The following ROBO1 variants were observed in gnomAD, a reference collection of about 807,000 sequenced individuals.
The protein encoded by ROBO1 is roundabout homolog 1.
ROBO1 carries 149 observed loss-of-function variants against 195.9 expected under a neutral mutation model. The observed-to-expected ratio is 0.76, with a 90% CI of 0.67 to 0.87. The LOEUF is 0.87. Among genes scored for constraint, ROBO1 ranks in the 40% least tolerant of loss-of-function variants. The pLI is 0.00. For missense variants in ROBO1, 1,933 were observed against 2,068.3 expected, an observed-to-expected ratio of 0.93 and a Z score of 1.27; for synonymous variants, 816 against 733.2, an observed-to-expected ratio of 1.11 and a Z score of -1.82.
intron 1 of ROBO1, among the ~76,000 whole-genome samples, chr3:79,615,324 A>T (rs1346544628): frequency 6.6e-6 from 1 of 152,132 alleles, no homozygotes; most frequent in Non-Finnish European, 1.5e-5. Context: ...TCTACCTATG[A>T]CCTAGAAGCC....
chr3:79,386,453 T>C (rs913288963), intron 2 of ROBO1, among the ~76,000 whole-genome samples: 2 of 152,102 alleles, frequency 1.3e-5, no homozygotes, highest in Non-Finnish European at 2.9e-5. Flanking sequence ...ACCATCAACG[T>C]ATAAAGTAAG....
chr3:79,080,191 AT>A (rs1461830582), intron 3 of ROBO1, among the ~76,000 whole-genome samples: 1 of 151,878 alleles, frequency 6.6e-6, no homozygotes, highest in Non-Finnish European at 1.5e-5. Context: ...CATATAAATC[AT>A]TATTTTTAAG....
chr3:78,607,250 T>C, intron 28 of ROBO1: 2 of 550,672 alleles, frequency 3.6e-6, no homozygotes, highest in Non-Finnish European at 3.2e-6. Context: ...TCTTACTCTG[T>C]CATTCAGGCT....
chr3:79,621,121 A>G (rs1437964185), intron 1 of ROBO1, among the ~76,000 whole-genome samples: 1 of 151,988 alleles, frequency 6.6e-6, no homozygotes, highest in Non-Finnish European at 1.5e-5. Flanking sequence ...TTTCACTTGG[A>G]CTGACCCTGA....
intron 5 of ROBO1, among the ~76,000 whole-genome samples, chr3:78,727,972 AATG>A (rs2082203336): frequency 6.6e-6 from 1 of 152,114 alleles, no homozygotes; most frequent in Non-Finnish European, 1.5e-5. Context: ...TTTATGACAA[AATG>A]ATTTTATATT....
chr3:79,208,969 T>G (rs1233313300), intron 2 of ROBO1, among the ~76,000 whole-genome samples: 4 of 152,150 alleles, frequency 2.6e-5, no homozygotes, highest in African/African-American at 9.7e-5. Flanking sequence ...GGCTTCAAAT[T>G]GGCACAATAC....
chr3:78,729,629 G>C (rs975544213), intron 5 of ROBO1, among the ~76,000 whole-genome samples: 3 of 152,162 alleles, frequency 2.0e-5, no homozygotes, highest in Non-Finnish European at 4.4e-5. Flanking sequence ...GAGAGCAGAT[G>C]AAACAGTGAA....
At chr3:78,881,706 C>G (rs532337632) in intron 4 of ROBO1, among the ~76,000 whole-genome samples, 1 of 151,986 alleles carries the variant, frequency 6.6e-6, no homozygotes, top group African/African-American at 2.4e-5. Context: ...GCATCAGGCC[C>G]GTGGCCTGAT....
chr3:79,073,107 A>C (rs2079115651), intron 3 of ROBO1, among the ~76,000 whole-genome samples: 1 of 152,034 alleles, frequency 6.6e-6, no homozygotes. Flanking sequence ...AGCCAATTGC[A>C]CAGCAAGATA....
chr3:79,115,356 G>C (rs1286293667), intron 3 of ROBO1, among the ~76,000 whole-genome samples: 1 of 152,102 alleles, frequency 6.6e-6, no homozygotes, highest in East Asian at 1.9e-4. Context: ...TAAGAGATAC[G>C]AGATGGATCC....
intron 2 of ROBO1, among the ~76,000 whole-genome samples, chr3:79,157,506 C>T (rs968807005): frequency 4.6e-5 from 7 of 151,884 alleles, no homozygotes; most frequent in Admixed American, 4.6e-4. Context: ...TTTTAAGTAG[C>T]TTCTGCCATC....
intron 2 of ROBO1, among the ~76,000 whole-genome samples, chr3:79,127,192 C>T (rs1277658713): frequency 1.3e-5 from 2 of 152,214 alleles, no homozygotes; most frequent in East Asian, 3.9e-4. Context: ...TACACGCACA[C>T]GTTGTTTAGG....
chr3:78,924,065 A>T (rs1350079109), intron 4 of ROBO1, among the ~76,000 whole-genome samples: 5 of 152,178 alleles, frequency 3.3e-5, no homozygotes, highest in Non-Finnish European at 7.3e-5. Flanking sequence ...ATATACACAC[A>T]TACATGTATA....
At chr3:79,542,142 T>A (rs1316565205) in intron 2 of ROBO1, among the ~76,000 whole-genome samples, 2 of 151,968 alleles carry the variant, frequency 1.3e-5, no homozygotes, top group Non-Finnish European at 2.9e-5. Flanking sequence ...AACCTGAAAA[T>A]ATAATGATCT....
chr3:79,695,507 T>G (rs55670614), intron 1 of ROBO1, among the ~76,000 whole-genome samples: 45,638 of 151,206 alleles, frequency 0.3, 7,851 homozygotes, highest in East Asian at 0.53. Context: ...GCTTTTTCTC[T>G]CTTCTTTCCT....
chr3:79,191,543 T>G (rs2081540370), intron 2 of ROBO1, among the ~76,000 whole-genome samples: 1 of 151,310 alleles, frequency 6.6e-6, no homozygotes, highest in African/African-American at 2.4e-5. Context: ...ATTCAAACAA[T>G]AAAATATTAA....
rs531512234 is a variant in ROBO1 at position 78,998,970 on chromosome 3, C to T, written c.173-60043G>A. On this transcript the variant is annotated intron_variant, in intron 3 of 30. Coordinates refer to ENST00000464233, the MANE Select transcript of ROBO1 (RefSeq NM_002941.4). Reference sequence around the variant, plus strand: ...TGGCCAGGAAAAATATGAAAAAATGCTCCACTTCACTAATATTCAGAGAAA... The same window carrying T: ...TGGCCAGGAAAAATATGAAAAAATGTTCCACTTCACTAATATTCAGAGAAA... Among the ~76,000 whole-genome samples, 5 of 152,096 alleles carry T rather than the reference C, an allele frequency of 3.3e-5. No homozygotes were observed. In the South Asian group the frequency reaches 8.3e-4, roughly 25 times the overall value.
intron 3 of ROBO1, among the ~76,000 whole-genome samples, chr3:79,054,894 A>G (rs1158548035): frequency 6.6e-6 from 1 of 152,160 alleles, no homozygotes; most frequent in Non-Finnish European, 1.5e-5. Context: ...AGGCGGTCCC[A>G]ACGCAGCCTC....
intron 4 of ROBO1, among the ~76,000 whole-genome samples, chr3:78,868,737 A>T (rs559442770): frequency 6.6e-6 from 1 of 152,178 alleles, no homozygotes; most frequent in South Asian, 2.1e-4. Flanking sequence ...TAAAAGGGGA[A>T]AAAAACACAC....
Sources: allele counts gnomAD v4.1 joint callset (sites outside exome capture counted in the v4.1 genomes callset), GRCh38; gene constraint gnomAD v4.1.1; transcripts MANE v1.5; gene names NCBI Gene and HGNC (gene_info 2026-07-23, HGNC 2026-07-21).